The following PMFBP1 variants were observed in gnomAD, a reference collection of about 807,000 sequenced individuals.
PMFBP1 encodes polyamine modulated factor 1 binding protein 1, also known as polyamine-modulated factor 1-binding protein 1.
A neutral mutation model predicts 137.8 loss-of-function variants in PMFBP1; 131 were observed. The observed-to-expected ratio is 0.95, with a 90% CI of 0.82 to 1.10. PMFBP1 has a LOEUF of 1.10. PMFBP1 is among the 50% of genes least tolerant of loss of function. The probability of loss-of-function intolerance (pLI) is 0.00; values close to 1 mark genes in which losing one functional copy is unlikely to be tolerated. For synonymous variants in PMFBP1, 490 were observed against 450.4 expected, an observed-to-expected ratio of 1.09 and a Z score of -1.11; for missense variants, 1,199 against 1,175.4, an observed-to-expected ratio of 1.02 and a Z score of -0.29.
the PMFBP1 span, among the ~76,000 whole-genome samples, chr16:72,191,681 G>T: frequency 2.6e-5 from 4 of 152,048 alleles, no homozygotes; most frequent in Admixed American, 2.6e-4. Flanking sequence ...TGTACGTTCT[G>T]GTTCATTTTT....
Position 72,150,594 on chromosome 16 carries a change from G to C in PMFBP1, c.636+14C>G, listed in dbSNP as rs2042886097. 1 of 1,610,930 alleles carries C rather than the reference G, an allele frequency of 6.2e-7. No individual in the cohort carries two copies. Among genetic ancestry groups the C allele is most frequent in the African/African-American group, 1.3e-5 (1 of 74,814 alleles). On this transcript the variant is annotated intron_variant, in intron 5 of 20. Transcript: ENST00000237353. ...TCCACTTGCCTGGATTGAATGGCCT[G>C]ACTTAAGTCCTACCTGACCCATGAT...
At chr16:72,181,051 C>T (rs1263044153), upstream of PMFBP1, among the ~76,000 whole-genome samples, 6 of 151,944 alleles carry the variant, frequency 3.9e-5, no homozygotes, top group East Asian at 7.7e-4. Context: ...CCATCCTGGC[C>T]AACATGGTGA....
intron 3 of PMFBP1, among the ~76,000 whole-genome samples, chr16:72,161,094 C>CTTTTTTT (rs35611285): frequency 2.4e-5 from 3 of 124,942 alleles, no homozygotes; most frequent in Non-Finnish European, 3.5e-5. Context: ...TTATCTGTTA[C>CTTTTTTT]TTTTTTTTTT....
At chr16:72,153,500 C>A (rs992778506) in intron 4 of PMFBP1, among the ~76,000 whole-genome samples, 10 of 152,036 alleles carry the variant, frequency 6.6e-5, no homozygotes, top group Non-Finnish European at 1.5e-4. Context: ...GTACGTCTGT[C>A]CCATCATTTA....
At chr16:72,228,198 G>C in the PMFBP1 span, among the ~76,000 whole-genome samples, 5 of 152,122 alleles carry the variant, frequency 3.3e-5, no homozygotes, top group African/African-American at 9.7e-5. Context: ...CACCGTCGTT[G>C]ACATAGGCCC....
At chr16:72,228,837 C>CTTTTTTT in the PMFBP1 span, among the ~76,000 whole-genome samples, 1 of 135,652 alleles carries the variant, frequency 7.4e-6, no homozygotes. Flanking sequence ...TTATATATTA[C>CTTTTTTT]TTTTTTTTTT....
In PMFBP1 at chr16:72,164,773, G is replaced by C. The variant is rs999389647; in HGVS notation, c.156C>G (p.Asn52Lys). The C allele has an allele frequency of 3.8e-6, 6 of 1,590,488 alleles. No homozygotes were observed. In the African/African-American group the frequency reaches 8.1e-5, roughly 21 times the overall value. Residue 52 changes from asparagine (N) to lysine (K), a missense_variant, in exon 3 of 21, where the codon AAC (asparagine) becomes AAG (lysine). Transcript: ENST00000237353. ...CTGCCAAGTCCCTTACGTGGCTGCT[G>C]TTCATTGCCTCCTCCATGCAGAGCT... is the stretch of plus-strand genomic sequence containing the variant. ...DNQLCMEEAM[N>K]SSHDKKQAQA...
At chr16:72,147,695 C>A (rs964778617) in intron 5 of PMFBP1, among the ~76,000 whole-genome samples, 5 of 151,984 alleles carry the variant, frequency 3.3e-5, no homozygotes, top group Admixed American at 2.0e-4. Flanking sequence ...ACAACCCCAT[C>A]AAAAAATGGG....
chr16:72,235,946 G>A, the PMFBP1 span, among the ~76,000 whole-genome samples: 1 of 152,082 alleles, frequency 6.6e-6, no homozygotes, highest in African/African-American at 2.4e-5. Context: ...AACAAAGTGA[G>A]TATCCCTTCT....
upstream of PMFBP1, among the ~76,000 whole-genome samples, chr16:72,181,273 A>T (rs1034667831): frequency 4.0e-5 from 6 of 151,728 alleles, no homozygotes; most frequent in African/African-American, 1.4e-4. Context: ...TAATTAAATT[A>T]AATTAAATAC....
chr16:72,141,355 A>C (rs1257204625), intron 5 of PMFBP1, among the ~76,000 whole-genome samples: 1 of 152,240 alleles, frequency 6.6e-6, no homozygotes, highest in African/African-American at 2.4e-5. Context: ...AATTAATTTC[A>C]AATTACATAA....
At chr16:72,176,769 C>T (rs948259346), upstream of PMFBP1, 2 of 152,228 alleles carry the variant, frequency 1.3e-5, no homozygotes, top group African/African-American at 4.8e-5. Context: ...CTGACACTGA[C>T]AAAACACACT....
chr16:72,238,838 A>T, the PMFBP1 span, among the ~76,000 whole-genome samples: 1 of 152,252 alleles, frequency 6.6e-6, no homozygotes, highest in Admixed American at 6.5e-5. Flanking sequence ...ATGTCTAGAG[A>T]CATTTTAATT....
the PMFBP1 span, among the ~76,000 whole-genome samples, chr16:72,200,836 T>C: frequency 1.3e-5 from 2 of 152,150 alleles, no homozygotes; most frequent in African/African-American, 2.4e-5. Flanking sequence ...GGGGCTAGAA[T>C]AGAATCACAC....
rs895050665 is a variant in PMFBP1 at position 72,139,189 on chromosome 16, T to C, written c.918+100A>G. The C allele has an allele frequency of 2.2e-5, 19 of 855,374 alleles. No homozygotes were observed. The East Asian group carries it at 2.4e-4, about 11-fold the overall frequency. 53.0% of individuals were successfully genotyped at this position (855,374 alleles called of 1,614,324 possible). A position where few individuals can be genotyped will look rare whatever the true frequency, so the allele number is the denominator to read the frequency against. Reference sequence around the variant, plus strand: ...AAGCTCACACAGATATAAAATAAAATATAAATTGTCATATAAAAATAAAAA... The same window carrying C: ...AAGCTCACACAGATATAAAATAAAACATAAATTGTCATATAAAAATAAAAA... On this transcript the variant is annotated intron_variant, in intron 7 of 20. Coordinates refer to ENST00000237353, the MANE Select transcript of PMFBP1 (RefSeq NM_031293.3).
At chr16:72,246,092 G>A in the PMFBP1 span, among the ~76,000 whole-genome samples, 1 of 152,190 alleles carries the variant, frequency 6.6e-6, no homozygotes, top group Non-Finnish European at 1.5e-5. Context: ...ACTGGGGAGG[G>A]AGGAGATTAC....
chr16:72,167,100 C>T (rs577331709), intron 2 of PMFBP1, among the ~76,000 whole-genome samples: 1 of 152,238 alleles, frequency 6.6e-6, no homozygotes, highest in South Asian at 2.1e-4. Context: ...AACTGGAGAC[C>T]TGATATGGAC....
At chr16:72,122,141 A>T (rs1486891704) in intron 19 of PMFBP1, among the ~76,000 whole-genome samples, 1 of 152,208 alleles carries the variant, frequency 6.6e-6, no homozygotes, top group Non-Finnish European at 1.5e-5. Context: ...AAGTGAGAAC[A>T]TGTGGTACTT....
At chr16:72,176,912 T>C (rs182765749), upstream of PMFBP1, 7 of 152,388 alleles carry the variant, frequency 4.6e-5, no homozygotes, top group Admixed American at 3.3e-4. Flanking sequence ...TCCACAGATA[T>C]GTTTCTCAAA....
Sources: gnomAD v4.1 joint callset for allele counts (sites outside exome capture counted in the v4.1 genomes callset) on GRCh38, gnomAD v4.1.1 for gene constraint, MANE v1.5 for transcripts, NCBI Gene and HGNC (gene_info 2026-07-23, HGNC 2026-07-21) for gene names.